Variants in LRP12 observed in about 807,000 individuals in gnomAD.
LRP12 encodes the protein low-density lipoprotein receptor-related protein 12.
In LRP12, 14 loss-of-function variants were observed where a neutral mutation model predicts 66.0. The observed-to-expected ratio is 0.21, with a 90% confidence interval of 0.14 to 0.33. The LOEUF (loss-of-function observed/expected upper bound fraction) is 0.33, where lower values mean the gene tolerates loss of function less well. Among genes scored for constraint, LRP12 ranks in the 10% least tolerant of loss-of-function variants. The pLI is 1.00. For synonymous variants in LRP12, 357 were observed against 359.1 expected, an observed-to-expected ratio of 0.99 and a Z score of 0.07; for missense variants, 889 against 1,053.4, an observed-to-expected ratio of 0.84 and a Z score of 2.16.
intron 2 of LRP12, among the ~76,000 whole-genome samples, chr8:104,515,695 T>C (rs145143430): frequency 1.2e-3 from 184 of 152,314 alleles, no homozygotes; most frequent in African/African-American, 4.3e-3. Flanking sequence ...CATGAACCTA[T>C]GCATATATGG....
intron 2 of LRP12, among the ~76,000 whole-genome samples, chr8:104,515,515 T>G (rs1341298783): frequency 2.0e-5 from 3 of 152,206 alleles, no homozygotes; most frequent in Non-Finnish European, 4.4e-5. Context: ...TGCTTGGTTT[T>G]TGTCTCTATT....
intron 1 of LRP12, among the ~76,000 whole-genome samples, chr8:104,548,174 A>ATATATTATAT (rs1564141824): frequency 9.1e-5 from 9 of 99,032 alleles, no homozygotes; most frequent in African/African-American, 4.2e-4. Flanking sequence ...TATATATAAT[A>ATATATTATAT]TAATATATAA....
At chr8:104,560,658 CAT>C (rs914208108) in intron 1 of LRP12, among the ~76,000 whole-genome samples, 5 of 152,160 alleles carry the variant, frequency 3.3e-5, no homozygotes, top group African/African-American at 9.7e-5. Flanking sequence ...CTTCAACATA[CAT>C]ATCTCTCAAA....
rs144621626 is a variant in LRP12, at chr8:104,533,308, A to C, written c.80-1345T>G. Among the ~76,000 whole-genome samples, 145 of 152,212 alleles carry C rather than the reference A, an allele frequency of 9.5e-4. 2 individuals are homozygous for C. Among genetic ancestry groups the C allele is most frequent in the African/African-American group, 3.3e-3 (138 of 41,562 alleles). On this transcript the variant is annotated intron_variant, in intron 1 of 6. Coordinates refer to ENST00000276654, the MANE Select transcript of LRP12 (RefSeq NM_013437.5). ...ACTGTACCCATTTCTTTACCACACAAAAATTATAAAAACAGGCAGCAGAAA... is the reference window on the plus strand; with the variant it reads ...ACTGTACCCATTTCTTTACCACACACAAATTATAAAAACAGGCAGCAGAAA...
intron 1 of LRP12, among the ~76,000 whole-genome samples, chr8:104,563,618 T>C (rs937895429): frequency 6.6e-6 from 1 of 151,716 alleles, no homozygotes. Flanking sequence ...GGAGGTGGAG[T>C]CTTTGTACCT....
At chr8:104,522,345 A>G (rs937819710) in intron 2 of LRP12, among the ~76,000 whole-genome samples, 2 of 152,138 alleles carry the variant, frequency 1.3e-5, no homozygotes, top group Non-Finnish European at 2.9e-5. Flanking sequence ...ATGCAAATAC[A>G]TAAAAGCAAG....
intron 1 of LRP12, among the ~76,000 whole-genome samples, chr8:104,543,855 G>A (rs1393057734): frequency 6.6e-6 from 1 of 152,116 alleles, no homozygotes; most frequent in Non-Finnish European, 1.5e-5. Context: ...CTGCGAGGCG[G>A]AGGTTGCAGT....
At chr8:104,510,134 C>T (rs1387772817) in intron 2 of LRP12, among the ~76,000 whole-genome samples, 4 of 152,200 alleles carry the variant, frequency 2.6e-5, no homozygotes, top group Non-Finnish European at 5.9e-5. Flanking sequence ...TATTTGCTTA[C>T]CTACTTTGTT....
At chr8:104,507,192 T>C (rs1318890428) in intron 3 of LRP12, 4 of 152,192 alleles carry the variant, frequency 2.6e-5, no homozygotes, top group African/African-American at 9.7e-5. Flanking sequence ...TATGCAGGTG[T>C]GTCATCTTTT....
chr8:104,547,141 T>C (rs1481642131), intron 1 of LRP12, among the ~76,000 whole-genome samples: 2 of 145,042 alleles, frequency 1.4e-5, no homozygotes, highest in South Asian at 2.1e-4. Flanking sequence ...GTATATAATA[T>C]ACAATTCTAT....
chr8:104,549,698 G>A (rs374941795), intron 1 of LRP12, among the ~76,000 whole-genome samples: 5 of 152,188 alleles, frequency 3.3e-5, no homozygotes, highest in Non-Finnish European at 5.9e-5. Flanking sequence ...CCCCGAGCCC[G>A]GCCTCCACTT....
chr8:104,565,166 A>G (rs1181175005), intron 1 of LRP12, among the ~76,000 whole-genome samples: 5 of 152,128 alleles, frequency 3.3e-5, no homozygotes, highest in African/African-American at 1.2e-4. Flanking sequence ...AGACATATAT[A>G]TGTGCACACA....
At chr8:104,545,643 CAATAA>C (rs1430879964) in intron 1 of LRP12, among the ~76,000 whole-genome samples, 1 of 152,010 alleles carries the variant, frequency 6.6e-6, no homozygotes, top group East Asian at 1.9e-4. Context: ...AATTTCGAAG[CAATAA>C]AATATTTTTA....
At chr8:104,548,330 ATTATATAAATATATAAATATATAATATAT>A (rs1564142164) in intron 1 of LRP12, among the ~76,000 whole-genome samples, 2 of 8,680 alleles carry the variant, frequency 2.3e-4, no homozygotes, top group African/African-American at 2.4e-3. Flanking sequence ...TATAATATAT[ATTATATAAATATATAAATATATAATATAT>A]ATTATATAAA....
chr8:104,503,328 CAAAAAAAAAAAAAA>C (rs59353283), intron 3 of LRP12, among the ~76,000 whole-genome samples: 2 of 30,070 alleles, frequency 6.7e-5, no homozygotes, highest in Non-Finnish European at 1.4e-4. Context: ...CTGTGTCTCT[CAAAAAAAAAAAAAA>C]AAAAAAAAAA....
chr8:104,573,719 T>C (rs923686771), intron 1 of LRP12, among the ~76,000 whole-genome samples: 1 of 151,904 alleles, frequency 6.6e-6, no homozygotes, highest in Non-Finnish European at 1.5e-5. Flanking sequence ...ACTAGAATCT[T>C]TTATACTACT....
Position 104,497,229 on chromosome 8 carries a change from A to T in LRP12, c.1323T>A (p.Asn441Lys). 1 of 1,613,740 alleles carries T rather than the reference A, an allele frequency of 6.2e-7. No individual in the cohort carries two copies. Among genetic ancestry groups the T allele is most frequent in the Middle Eastern group, 1.6e-4 (1 of 6,062 alleles). Residue 441 changes from asparagine (N) to lysine (K), a missense_variant, in exon 5 of 7, where the codon AAT (asparagine) becomes AAA (lysine). Physicochemically the swap from Asn to Lys is moderately conservative, Grantham distance 94. Around this residue, in one of 3 missense-constraint regions of LRP12, gnomAD observed 800 missense variants for 964.5 expected, o/e 0.83. Transcript: ENST00000276654. This position sits in a 1 kb window ranked among gnomAD's most constrained non-coding sequence, Gnocchi z 4.3. The part of the protein sequence containing the change: ...DRCNYQNHCP[N>K]GSDEKNCFFC... The stretch of plus-strand genomic sequence containing the variant: ...AAAAGCAGTTTTTTTCATCTGAGCC[A>T]TTTGGGCAATGATTCTGGTAGTTGC...
At chr8:104,496,637 A>G (rs1307578243) in intron 5 of LRP12, among the ~76,000 whole-genome samples, 2 of 152,226 alleles carry the variant, frequency 1.3e-5, no homozygotes, top group Non-Finnish European at 2.9e-5. Context: ...AGCATATAGA[A>G]TAACTGGAAT....
At chr8:104,581,304 C>T (rs569130224) in intron 1 of LRP12, among the ~76,000 whole-genome samples, 1 of 151,724 alleles carries the variant, frequency 6.6e-6, no homozygotes, top group African/African-American at 2.4e-5. Context: ...GCGGGTGGGA[C>T]AAAGGAGAGG....
Sources: allele counts gnomAD v4.1 joint callset (sites outside exome capture counted in the v4.1 genomes callset), GRCh38; gene constraint gnomAD v4.1.1; regional missense constraint gnomAD v4.1.1; non-coding constraint Gnocchi (gnomAD v3.1); transcripts MANE v1.5; gene names NCBI Gene and HGNC (gene_info 2026-07-23, HGNC 2026-07-21).